Variants in ZNF600 observed in about 807,000 individuals in gnomAD.
The protein encoded by ZNF600 is zinc finger protein KR-ZNF1.
Under a neutral mutation model 7.3 loss-of-function variants are expected in ZNF600, and 4 were observed. That is an observed-to-expected ratio of 0.55 (90% CI 0.27 to 1.25). The LOEUF (loss-of-function observed/expected upper bound fraction) is 1.25, where lower values mean the gene tolerates loss of function less well. Ranked by LOEUF, ZNF600 falls within the 50% of genes most tolerant of loss-of-function variation. The pLI is 0.12. For synonymous variants in ZNF600, 290 were observed against 308.9 expected, an observed-to-expected ratio of 0.94 and a Z score of 0.64; for missense variants, 911 against 922.1, an observed-to-expected ratio of 0.99 and a Z score of 0.16.
the ZNF600 span, among the ~76,000 whole-genome samples, chr19:52,823,894 C>T: frequency 2.0e-5 from 3 of 151,888 alleles, 1 homozygote; most frequent in Non-Finnish European, 4.4e-5. Flanking sequence ...GAAACCCCAT[C>T]TCTCCTATAA....
chr19:52,810,356 G>A, the ZNF600 span: 10 of 1,604,568 alleles, frequency 6.2e-6, no homozygotes, highest in South Asian at 8.8e-5. Context: ...CAGAAGAGCT[G>A]GAAGCTCACT....
chr19:52,830,285 AAC>A, the ZNF600 span, among the ~76,000 whole-genome samples: 1 of 152,096 alleles, frequency 6.6e-6, no homozygotes, highest in Non-Finnish European at 1.5e-5. Context: ...AAAACAAACA[AAC>A]AAAAAATCTG....
chr19:52,811,073 T>C, the ZNF600 span, among the ~76,000 whole-genome samples: 1 of 150,172 alleles, frequency 6.7e-6, no homozygotes, highest in East Asian at 2.0e-4. Flanking sequence ...TTTTTTTTTT[T>C]GGTGGAGACG....
the ZNF600 span, among the ~76,000 whole-genome samples, chr19:52,831,502 T>C: frequency 6.6e-6 from 1 of 151,412 alleles, no homozygotes; most frequent in Non-Finnish European, 1.5e-5. Context: ...TTTGTTTTTT[T>C]GTTTTTTTGT....
At chr19:52,792,877 T>G in the ZNF600 span, among the ~76,000 whole-genome samples, 1 of 151,662 alleles carries the variant, frequency 6.6e-6, no homozygotes, top group Non-Finnish European at 1.5e-5. Flanking sequence ...GGACTACAGG[T>G]GCCCACCGCC....
At chr19:52,800,558 A>G in the ZNF600 span, 3 of 1,613,032 alleles carry the variant, frequency 1.9e-6, no homozygotes, top group Admixed American at 3.3e-5. Flanking sequence ...GAATTATACT[A>G]TGTTTTGCCA....
Position 52,779,504 on chromosome 19 carries a change from C to G in ZNF600, c.-19-597G>C, listed in dbSNP as rs759183597. Among the ~76,000 whole-genome samples, 55 of 152,176 alleles carry G rather than the reference C, an allele frequency of 3.6e-4. 1 individual carries two copies. Among genetic ancestry groups the G allele is most frequent in the Non-Finnish European group, 5.6e-4 (38 of 68,030 alleles). On this transcript the variant is annotated intron_variant, in intron 1 of 3. Transcript: ENST00000648973. ...CCCCTTGGGGCCTTGTTCTCACCAG[C>G]ATCCAGAGAGTGGATGACAAAGGCA... is the stretch of plus-strand genomic sequence containing the variant.
the ZNF600 span, chr19:52,808,030 T>G: frequency 6.2e-7 from 1 of 1,613,400 alleles, no homozygotes; most frequent in Admixed American, 1.7e-5. Context: ...GTTCCTATAA[T>G]TCTCCAGCAT....
intron 2 of ZNF600, among the ~76,000 whole-genome samples, chr19:52,775,489 A>G (rs571289647): frequency 9.9e-5 from 15 of 152,074 alleles, no homozygotes; most frequent in Non-Finnish European, 2.1e-4. Flanking sequence ...GGTGGAGGTT[A>G]CAGTGAGCCA....
chr19:52,825,815 A>G, the ZNF600 span, among the ~76,000 whole-genome samples: 2 of 152,196 alleles, frequency 1.3e-5, no homozygotes, highest in East Asian at 3.9e-4. Flanking sequence ...GTGAAACTCC[A>G]TCTCTATTAA....
the ZNF600 span, among the ~76,000 whole-genome samples, chr19:52,822,973 G>T: frequency 2.0e-5 from 3 of 152,094 alleles, no homozygotes; most frequent in Admixed American, 6.6e-5. Flanking sequence ...AGACGTTAAG[G>T]TTTCACACAC....
chr19:52,820,895 C>T, the ZNF600 span, among the ~76,000 whole-genome samples: 25 of 152,040 alleles, frequency 1.6e-4, no homozygotes, highest in Admixed American at 1.0e-3. Flanking sequence ...TTCTACTGCT[C>T]TCTTAGTCCC....
exon 4 of ZNF600, chr19:52,764,591 C>G (rs1454983714): frequency 2.7e-5 from 4 of 150,204 alleles, no homozygotes; most frequent in Non-Finnish European, 4.4e-5. Flanking sequence ...GATGTTGGCT[C>G]CCTGCAAGCT....
chr19:52,801,403 G>C, the ZNF600 span: 1 of 1,614,088 alleles, frequency 6.2e-7, no homozygotes, highest in African/African-American at 1.3e-5. Context: ...AGTTCAGGCA[G>C]ATGCGAATGA....
chr19:52,806,307 C>T, the ZNF600 span, among the ~76,000 whole-genome samples: 1 of 152,058 alleles, frequency 6.6e-6, no homozygotes, highest in African/African-American at 2.4e-5. Flanking sequence ...GGCTCTCCTG[C>T]CTCAGCCTCC....
At chr19:52,821,159 G>T in the ZNF600 span, among the ~76,000 whole-genome samples, 1 of 151,356 alleles carries the variant, frequency 6.6e-6, no homozygotes, top group Non-Finnish European at 1.5e-5. Flanking sequence ...CTTCGGACAA[G>T]GGTGGGATCC....
chr19:52,810,839 G>T, the ZNF600 span: 94,292 of 147,930 alleles, frequency 0.64, 33,349 homozygotes, highest in Middle Eastern at 0.76. Context: ...TAAAAAAAGA[G>T]TCCCTCTCCC....
upstream of ZNF600, among the ~76,000 whole-genome samples, chr19:52,789,595 TAC>T (rs947800140): frequency 6.6e-5 from 10 of 151,930 alleles, no homozygotes; most frequent in African/African-American, 2.4e-4. Flanking sequence ...CACAAAAAAG[TAC>T]AGAGTCCAGC....
chr19:52,781,432 T>C (rs903093478), intron 1 of ZNF600: 3 of 152,116 alleles, frequency 2.0e-5, no homozygotes, highest in African/African-American at 7.2e-5. Context: ...TGTGATTGCC[T>C]GGAAGGCCCA....
Sources: gnomAD v4.1 joint callset for allele counts (sites outside exome capture counted in the v4.1 genomes callset) on GRCh38, gnomAD v4.1.1 for gene constraint, MANE v1.5 for transcripts, NCBI Gene and HGNC (gene_info 2026-07-23, HGNC 2026-07-21) for gene names.